CDYL: variants seen among roughly 807,000 people sequenced by gnomAD.
CDYL encodes chromodomain Y like.
In CDYL, 8 loss-of-function variants were observed where a neutral mutation model predicts 47.3. The observed-to-expected ratio is 0.17, with a 90% CI of 0.10 to 0.31. The LOEUF (loss-of-function observed/expected upper bound fraction) is 0.31. Ranked by LOEUF, CDYL falls within the 10% of genes least tolerant of loss-of-function variation. The probability of loss-of-function intolerance (pLI) is 1.00; values close to 1 mark genes in which losing one functional copy is unlikely to be tolerated. For synonymous variants in CDYL, 266 were observed against 265.0 expected (o/e 1.00, Z -0.04); for missense variants, 471 against 701.4 (o/e 0.67, Z 3.71).
chr6:4,923,867 C>T (rs1170551003), intron 2 of CDYL, among the ~76,000 whole-genome samples: 1 of 148,448 alleles, frequency 6.7e-6, no homozygotes, highest in Non-Finnish European at 1.5e-5. Flanking sequence ...CGCCACTGCA[C>T]TCCAGCCTGG....
intron 2 of CDYL, among the ~76,000 whole-genome samples, chr6:4,722,333 A>T (rs1220245005): frequency 6.6e-6 from 1 of 151,722 alleles, no homozygotes; most frequent in Non-Finnish European, 1.5e-5. Context: ...CCAAGGTGGG[A>T]GGATGGCTTA....
chr6:4,894,331 C>T (rs182317961), intron 2 of CDYL, among the ~76,000 whole-genome samples: 29 of 152,240 alleles, frequency 1.9e-4, no homozygotes, highest in African/African-American at 5.8e-4. Flanking sequence ...GGGCCAGGCA[C>T]GGTGCTGGAC....
intron 3 of CDYL, among the ~76,000 whole-genome samples, chr6:4,756,580 A>ATGTGTGTGTGTGTGTG (rs4053260): frequency 1.3e-3 from 189 of 142,918 alleles, no homozygotes; most frequent in African/African-American, 4.4e-3. Flanking sequence ...TATCGTGTGT[A>ATGTGTGTGTGTGTGTG]TGTGTGTGTG....
chr6:4,751,370 C>T (rs1757988320), intron 3 of CDYL, among the ~76,000 whole-genome samples: 1 of 152,148 alleles, frequency 6.6e-6, no homozygotes, highest in African/African-American at 2.4e-5. Context: ...TTGAGGTGCC[C>T]AAGTGATTTG....
chr6:4,897,098 CT>C (rs34221564), intron 2 of CDYL, among the ~76,000 whole-genome samples: 1 of 152,174 alleles, frequency 6.6e-6, no homozygotes, highest in African/African-American at 2.4e-5. Context: ...ATTTCTTGCT[CT>C]TTTAATTCCC....
At chr6:4,930,350 T>A (rs1757996921) in intron 2 of CDYL, among the ~76,000 whole-genome samples, 1 of 152,248 alleles carries the variant, frequency 6.6e-6, no homozygotes, top group East Asian at 1.9e-4. Flanking sequence ...TCCTTTTCCA[T>A]ATCATGTCTC....
intron 1 of CDYL, among the ~76,000 whole-genome samples, chr6:4,884,449 T>C (rs1761847312): frequency 6.6e-6 from 1 of 152,174 alleles, no homozygotes; most frequent in South Asian, 2.1e-4. Context: ...TCAGAGTAGC[T>C]AATGGAGTGG....
At chr6:4,933,734 C>G (rs1366195231) in intron 2 of CDYL, among the ~76,000 whole-genome samples, 4 of 152,116 alleles carry the variant, frequency 2.6e-5, no homozygotes, top group African/African-American at 9.7e-5. Context: ...AACATCCGAC[C>G]CAGTGGTCTC....
chr6:4,752,508 A>C (rs927888106), intron 3 of CDYL, among the ~76,000 whole-genome samples: 8 of 152,198 alleles, frequency 5.3e-5, no homozygotes, highest in African/African-American at 1.7e-4. Context: ...GGTCGAAATC[A>C]GGATAATATT....
At chr6:4,896,573 A>G (rs1762290074) in intron 2 of CDYL, among the ~76,000 whole-genome samples, 1 of 152,128 alleles carries the variant, frequency 6.6e-6, no homozygotes, top group African/African-American at 2.4e-5. Flanking sequence ...AAATAACAAC[A>G]TATATGGCCA....
chr6:4,930,363 A>T (rs1410163121), intron 2 of CDYL, among the ~76,000 whole-genome samples: 1 of 152,218 alleles, frequency 6.6e-6, no homozygotes, highest in Admixed American at 6.5e-5. Flanking sequence ...CATGTCTCAC[A>T]AATTACAGCC....
intron 1 of CDYL, among the ~76,000 whole-genome samples, chr6:4,873,944 C>T (rs1270526081): frequency 6.6e-6 from 1 of 152,120 alleles, no homozygotes; most frequent in South Asian, 2.1e-4. Flanking sequence ...TACACATGTG[C>T]GTGTCTTTTG....
chr6:4,868,788 A>AT (rs770442201), intron 1 of CDYL, among the ~76,000 whole-genome samples: 14 of 152,154 alleles, frequency 9.2e-5, no homozygotes, highest in Non-Finnish European at 2.1e-4. Flanking sequence ...TGCCTCATGT[A>AT]TTTTGAGGAT....
rs371091747 is a variant in CDYL, at chr6:4,852,535, TCTTCCTTC to T, written c.25-39160_25-39153del. The stretch of plus-strand genomic sequence containing the variant: ...TCCAATCTTCCTTCCTTCCTTCCAA[TCTTCCTTC>T]CTTCCTTCCTTCCTTCCAATCTTCC... On this transcript the variant is annotated intron_variant, in intron 1 of 6. Coordinates refer to ENST00000397588, the MANE Select transcript of CDYL (RefSeq NM_004824.4). 4.9e-3 allele frequency among the ~76,000 whole-genome samples: 373 copies of T among 76,342 alleles called. 16 individuals carry two copies. Among genetic ancestry groups the T allele is most frequent in the African/African-American group, 0.022 (288 of 13,202 alleles). 50.1% of individuals were successfully genotyped at this position (76,342 alleles called of 152,430 possible).
intron 2 of CDYL, among the ~76,000 whole-genome samples, chr6:4,933,835 GTGT>G (rs777937154): frequency 2.0e-5 from 3 of 152,206 alleles, no homozygotes; most frequent in South Asian, 2.1e-4. Context: ...ATGTGTCACT[GTGT>G]TGTTGGTCAT....
intron 2 of CDYL, among the ~76,000 whole-genome samples, chr6:4,926,065 A>G (rs1024601048): frequency 6.6e-6 from 1 of 152,246 alleles, no homozygotes; most frequent in East Asian, 1.9e-4. Flanking sequence ...TACTAGAATT[A>G]GACTAGCCTT....
intron 2 of CDYL, among the ~76,000 whole-genome samples, chr6:4,929,527 T>C (rs201859287): frequency 0.099 from 6,138 of 61,936 alleles, 352 homozygotes; most frequent in African/African-American, 0.23. Flanking sequence ...CACACACACA[T>C]ACATACACAC....
Position 4,820,839 on chromosome 6 carries a change from C to T in CDYL, c.24+44032C>T, listed in dbSNP as rs146033077. 4.3e-3 allele frequency among the ~76,000 whole-genome samples: 659 copies of T among 152,294 alleles called. 5 individuals carry two copies. The highest frequency in any genetic ancestry group is 0.014 in the African/African-American group (567 of 41,554). Reference sequence around the variant, plus strand: ...AAATATAGTGGACACTAAGGCAGAGCGGCAGCCTGCAGCGTGCAGAAACAC... The same window carrying T: ...AAATATAGTGGACACTAAGGCAGAGTGGCAGCCTGCAGCGTGCAGAAACAC... On this transcript the variant is annotated intron_variant, in intron 1 of 6. Coordinates refer to ENST00000397588, the MANE Select transcript of CDYL (RefSeq NM_004824.4).
intron 2 of CDYL, among the ~76,000 whole-genome samples, chr6:4,722,236 G>C (rs931615367): frequency 2.6e-5 from 4 of 151,542 alleles, no homozygotes; most frequent in Non-Finnish European, 5.9e-5. Flanking sequence ...GAGGCCAATG[G>C]GGGGAGGAAC....
Sources: allele counts gnomAD v4.1 joint callset (sites outside exome capture counted in the v4.1 genomes callset), GRCh38; gene constraint gnomAD v4.1.1; transcripts MANE v1.5; gene names NCBI Gene and HGNC (gene_info 2026-07-23, HGNC 2026-07-21).